ATG7: variants seen among roughly 807,000 people sequenced by gnomAD.
ATG7 encodes autophagy related 7, also known as ubiquitin-like modifier-activating enzyme ATG7.
In ATG7, 70 loss-of-function variants were observed where a neutral mutation model predicts 82.4. The observed-to-expected ratio is 0.85, with a 90% CI of 0.70 to 1.04. The LOEUF (loss-of-function observed/expected upper bound fraction) is 1.04, where lower values mean the gene tolerates loss of function less well. ATG7 is among the 50% of genes least tolerant of loss of function. The pLI is 0.00. For synonymous variants in ATG7, 287 were observed against 313.0 expected, an observed-to-expected ratio of 0.92 and a Z score of 0.88; for missense variants, 792 against 864.3, an observed-to-expected ratio of 0.92 and a Z score of 1.05.
At chr3:11,338,834 C>T (rs548961187) in intron 11 of ATG7, among the ~76,000 whole-genome samples, 10 of 152,228 alleles carry the variant, frequency 6.6e-5, no homozygotes, top group African/African-American at 1.2e-4. Context: ...TCTCATTGAC[C>T]GTCCTATCCC....
chr3:11,559,239 CAG>C (rs753912096), downstream of ATG7: 136 of 1,448,728 alleles, frequency 9.4e-5, no homozygotes, highest in African/African-American at 1.1e-4. Flanking sequence ...TAGATGGGCT[CAG>C]GGGCGAGAGG....
chr3:11,306,304 A>G lies in ATG7; in HGVS notation c.216-639A>G, dbSNP rs191052309. ...GCAGTCAGGAGAACACATACTTTCT[A>G]TCCTCAAGGAGCTTAGTGTCCTCCA... is the stretch of plus-strand genomic sequence containing the variant. On this transcript the variant is annotated intron_variant, in intron 5 of 20. Transcript: ENST00000693202. 9.8e-5 allele frequency among the ~76,000 whole-genome samples: 15 copies of G among 152,346 alleles called. No homozygotes were observed. The East Asian group carries it at 2.9e-3, about 29-fold the overall frequency.
chr3:11,279,938 GT>G (rs34457373), intron 1 of ATG7, among the ~76,000 whole-genome samples: 49,326 of 143,520 alleles, frequency 0.34, 9,719 homozygotes, highest in African/African-American at 0.56. Context: ...GGGGACCATA[GT>G]TTTTTTTTTT....
chr3:11,574,714 C>G, the ATG7 span, among the ~76,000 whole-genome samples: 1 of 151,940 alleles, frequency 6.6e-6, no homozygotes, highest in Admixed American at 6.6e-5. Flanking sequence ...GCTCATCACT[C>G]TACATGACAC....
rs1191712392 is a variant in ATG7 at position 11,372,006 on chromosome 3, C to G, written c.1875+7272C>G. On this transcript the variant is annotated intron_variant, in intron 18 of 20. Transcript: ENST00000693202. Reference sequence around the variant, plus strand: ...AACCATATAAAGCGAGGCCAAACGACCTATTCTGATGCTTTTTGCATGCTG... The same window carrying G: ...AACCATATAAAGCGAGGCCAAACGAGCTATTCTGATGCTTTTTGCATGCTG... 1.3e-5 allele frequency among the ~76,000 whole-genome samples: 2 copies of G among 151,422 alleles called. 1 individual carries two copies. The highest frequency in any genetic ancestry group is 2.9e-5 in the Non-Finnish European group (2 of 67,870).
chr3:11,452,410 G>GAAAAAAAAAAAAAAAAA (rs2085286455), intron 20 of ATG7, among the ~76,000 whole-genome samples: 1 of 110,720 alleles, frequency 9.0e-6, no homozygotes, highest in African/African-American at 3.9e-5. Flanking sequence ...AAAAAAAAAG[G>GAAAAAAAAAAAAAAAAA]AAATGTTCTG....
chr3:11,484,590 T>A (rs59274779), intron 20 of ATG7, among the ~76,000 whole-genome samples: 3,291 of 152,272 alleles, frequency 0.022, 120 homozygotes, highest in African/African-American at 0.073. Flanking sequence ...AGGGTACATG[T>A]GCACAATGTG....
At chr3:11,362,448 T>G (rs2076342601) in intron 16 of ATG7, among the ~76,000 whole-genome samples, 1 of 152,208 alleles carries the variant, frequency 6.6e-6, no homozygotes, top group African/African-American at 2.4e-5. Flanking sequence ...TTCAAATCAT[T>G]GTTCCTTTCT....
intron 19 of ATG7, among the ~76,000 whole-genome samples, chr3:11,405,402 A>G (rs1030787800): frequency 6.6e-6 from 1 of 152,154 alleles, no homozygotes; most frequent in East Asian, 1.9e-4. Context: ...TTGAAATGCC[A>G]AAAAGCTTAT....
At chr3:11,536,468 G>A (rs1012967997) in intron 20 of ATG7, among the ~76,000 whole-genome samples, 4 of 152,206 alleles carry the variant, frequency 2.6e-5, no homozygotes, top group African/African-American at 9.7e-5. Context: ...TCCTGGGACA[G>A]AGCCTGGATT....
intron 12 of ATG7, among the ~76,000 whole-genome samples, chr3:11,341,249 A>G (rs1247525194): frequency 2.6e-5 from 4 of 151,568 alleles, no homozygotes; most frequent in Non-Finnish European, 5.9e-5. Context: ...TTTAGTAGAG[A>G]CAGGGTTTCA....
chr3:11,479,402 C>T (rs1032648295), intron 20 of ATG7, among the ~76,000 whole-genome samples: 3 of 152,310 alleles, frequency 2.0e-5, no homozygotes, highest in Admixed American at 2.0e-4. Flanking sequence ...GGAAAGGCCA[C>T]ACACCATATG....
chr3:11,386,541 C>T (rs1034728418), intron 19 of ATG7, among the ~76,000 whole-genome samples: 2 of 152,158 alleles, frequency 1.3e-5, no homozygotes, highest in Non-Finnish European at 1.5e-5. Flanking sequence ...AGAGCCCAGT[C>T]GGAAGAGCTC....
Position 11,554,985 on chromosome 3 carries a change from C to A in ATG7, c.*142C>A. 9.4e-7 allele frequency: 1 copy of A among 1,063,370 alleles called. No individual in the cohort carries two copies. Among genetic ancestry groups the A allele is most frequent in the Non-Finnish European group, 1.3e-6 (1 of 755,558 alleles). The allele number at this position is 1,063,370 out of a possible 1,614,324, so 65.9% of individuals were successfully genotyped here. On this transcript the variant is annotated 3_prime_UTR_variant, in exon 21 of 21. Coordinates refer to ENST00000693202, the MANE Select transcript of ATG7 (RefSeq NM_001349232.2). ...AGGTCTGGGATTCCCCCCTCTGCTGCCCAGGAGTGGCCAGTGTTCGGCGTT... is the reference window on the plus strand; with the variant it reads ...AGGTCTGGGATTCCCCCCTCTGCTGACCAGGAGTGGCCAGTGTTCGGCGTT...
At chr3:11,560,940 G>C (rs2072932125), downstream of ATG7, among the ~76,000 whole-genome samples, 1 of 152,162 alleles carries the variant, frequency 6.6e-6, no homozygotes, top group Admixed American at 6.5e-5. Context: ...GGGACCGACA[G>C]ATGAGGCCTG....
chr3:11,417,030 T>C (rs1278699737), intron 19 of ATG7, among the ~76,000 whole-genome samples: 5 of 152,194 alleles, frequency 3.3e-5, no homozygotes, highest in Admixed American at 2.6e-4. Context: ...TCCATTGTGG[T>C]CTGAGAGCAG....
At chr3:11,280,315 G>A (rs908937985) in intron 1 of ATG7, among the ~76,000 whole-genome samples, 2 of 152,154 alleles carry the variant, frequency 1.3e-5, no homozygotes, top group Non-Finnish European at 2.9e-5. Context: ...TCTCCTATGG[G>A]CCAGATGTAT....
chr3:11,529,976 C>T (rs2092663301), intron 20 of ATG7, among the ~76,000 whole-genome samples: 1 of 152,208 alleles, frequency 6.6e-6, no homozygotes, highest in South Asian at 2.1e-4. Context: ...AGACTTCCTT[C>T]TCACTCCTTT....
intron 20 of ATG7, among the ~76,000 whole-genome samples, chr3:11,480,796 C>G (rs760459593): frequency 6.6e-6 from 1 of 152,182 alleles, no homozygotes; most frequent in African/African-American, 2.4e-5. Flanking sequence ...CCTGGGAGAG[C>G]GAGGAGGGCC....
Sources: gnomAD v4.1 joint callset for allele counts (sites outside exome capture counted in the v4.1 genomes callset) on GRCh38, gnomAD v4.1.1 for gene constraint, MANE v1.5 for transcripts, NCBI Gene and HGNC (gene_info 2026-07-23, HGNC 2026-07-21) for gene names.